LRTM3: variants seen among roughly 807,000 people sequenced by gnomAD.
LRTM3 encodes leucine rich repeat transmembrane protein 3, also known as leucine-rich repeat transmembrane protein 3.
At chr13:102,735,413 A>C in the LRTM3 span, 212 of 1,551,312 alleles carry the variant, frequency 1.4e-4, no homozygotes, top group East Asian at 5.0e-3. Context: ...TGCAATTCTT[A>C]TCACGTTCTC....
chr13:102,751,863 G>A, the LRTM3 span, among the ~76,000 whole-genome samples: 1 of 152,100 alleles, frequency 6.6e-6, no homozygotes, highest in South Asian at 2.1e-4. Flanking sequence ...CTTGACCAAG[G>A]GGACCCCAAA....
chr13:102,742,954 ACTTT>A, the LRTM3 span: 3 of 1,545,038 alleles, frequency 1.9e-6, 1 homozygote, highest in Middle Eastern at 1.7e-4. Flanking sequence ...CAACTTTGAG[ACTTT>A]CTTTTCCATT....
chr13:102,739,380 A>G, the LRTM3 span: 8 of 1,550,072 alleles, frequency 5.2e-6, no homozygotes, highest in Non-Finnish European at 7.0e-6. Flanking sequence ...CTATTAATTG[A>G]CTCTGCAGAT....
the LRTM3 span, chr13:102,748,603 C>T: frequency 6.4e-7 from 1 of 1,550,804 alleles, no homozygotes; most frequent in Non-Finnish European, 8.7e-7. Context: ...CAAGTTTCTG[C>T]ATAGGTTTTG....
At chr13:102,737,718 C>T in the LRTM3 span, 2 of 1,550,308 alleles carry the variant, frequency 1.3e-6, no homozygotes, top group Non-Finnish European at 1.7e-6. Flanking sequence ...TTTTGTACTT[C>T]ACTTGCGCTA....
At chr13:102,735,646 G>C in the LRTM3 span, 1 of 1,551,146 alleles carries the variant, frequency 6.4e-7, no homozygotes, top group Non-Finnish European at 8.7e-7. Flanking sequence ...TATCTATTCT[G>C]AGTCCACCTT....
At chr13:102,740,261 G>A in the LRTM3 span, 1 of 1,549,668 alleles carries the variant, frequency 6.5e-7, no homozygotes, top group African/African-American at 1.4e-5. Context: ...TTTATGGTAT[G>A]ATCCTAAAGG....
the LRTM3 span, chr13:102,748,276 A>G: frequency 6.4e-7 from 1 of 1,551,098 alleles, no homozygotes; most frequent in Non-Finnish European, 8.7e-7. Flanking sequence ...CTTCTGTAAC[A>G]TTAAGTATCA....
the LRTM3 span, chr13:102,741,679 T>A: frequency 6.5e-7 from 1 of 1,550,208 alleles, no homozygotes; most frequent in Non-Finnish European, 8.7e-7. Flanking sequence ...TATCCAACTC[T>A]GTAAAAAATA....
the LRTM3 span, chr13:102,746,822 C>T: frequency 6.4e-7 from 1 of 1,551,208 alleles, no homozygotes; most frequent in Non-Finnish European, 8.7e-7. Flanking sequence ...TAAAGGGTCT[C>T]CAATCAGTGA....
the LRTM3 span, chr13:102,750,281 C>T: frequency 1.9e-6 from 3 of 1,549,954 alleles, no homozygotes; most frequent in African/African-American, 4.1e-5. Context: ...TTCACTAGTA[C>T]CTGACCATAG....
At chr13:102,756,700 A>AAAAACC in the LRTM3 span, among the ~76,000 whole-genome samples, 1 of 92,718 alleles carries the variant, frequency 1.1e-5, no homozygotes, top group African/African-American at 5.7e-5. Context: ...AAAAAACAAA[A>AAAAACC]AAACAAAAAG....
chr13:102,744,475 T>C, the LRTM3 span: 306 of 1,550,760 alleles, frequency 2.0e-4, 1 homozygote, highest in Middle Eastern at 3.0e-3. Flanking sequence ...TCTTTAGACC[T>C]TCCATACATT....
the LRTM3 span, chr13:102,745,125 G>A: frequency 5.8e-6 from 9 of 1,550,632 alleles, no homozygotes; most frequent in Admixed American, 1.6e-4. Flanking sequence ...GTAACAAACA[G>A]AATTTTCCTA....
At chr13:102,741,886 T>C in the LRTM3 span, 2 of 1,550,300 alleles carry the variant, frequency 1.3e-6, no homozygotes, top group African/African-American at 1.4e-5. Flanking sequence ...AACTAATCCT[T>C]AACGGTCCAA....
chr13:102,737,588 G>A, the LRTM3 span: 18 of 1,550,280 alleles, frequency 1.2e-5, no homozygotes, highest in Non-Finnish European at 8.7e-6. Context: ...AGGATTCAGT[G>A]GTAGGTTCTG....
the LRTM3 span, chr13:102,742,778 G>A: frequency 1.3e-6 from 2 of 1,550,418 alleles, no homozygotes; most frequent in African/African-American, 2.7e-5. Flanking sequence ...TGAAGCAGGT[G>A]AATGCCTGCC....
At chr13:102,743,107 G>T in the LRTM3 span, 1 of 1,550,316 alleles carries the variant, frequency 6.5e-7, no homozygotes, top group Non-Finnish European at 8.7e-7. Flanking sequence ...TTGCCATGAA[G>T]TTTTCTGCAT....
At chr13:102,732,196 C>A in the LRTM3 span, 1 of 1,551,288 alleles carries the variant, frequency 6.4e-7, no homozygotes, top group Non-Finnish European at 8.7e-7. Flanking sequence ...GACAGATTCT[C>A]TTTTCTCTTT....
Sources: gnomAD v4.1 joint callset for allele counts (sites outside exome capture counted in the v4.1 genomes callset) on GRCh38, gnomAD v4.1.1 for gene constraint, MANE v1.5 for transcripts, NCBI Gene and HGNC (gene_info 2026-07-23, HGNC 2026-07-21) for gene names.